RHOBTB1: variants seen among roughly 807,000 people sequenced by gnomAD.
RHOBTB1 encodes rho-related BTB domain-containing protein 1.
RHOBTB1 carries 40 observed loss-of-function variants against 71.6 expected under a neutral mutation model. That is an observed-to-expected ratio of 0.56 (90% CI 0.43 to 0.73). The LOEUF (loss-of-function observed/expected upper bound fraction) is 0.73, where lower values mean the gene tolerates loss of function less well. RHOBTB1 is among the 30% of genes least tolerant of loss of function. The pLI is 0.00. For missense variants in RHOBTB1, 797 were observed against 894.0 expected (o/e 0.89, Z 1.38); for synonymous variants, 319 against 334.9 (o/e 0.95, Z 0.52).
At chr10:60,946,793 G>GCACA (rs937969758), upstream of RHOBTB1, among the ~76,000 whole-genome samples, 2 of 152,144 alleles carry the variant, frequency 1.3e-5, no homozygotes, top group African/African-American at 4.8e-5. Context: ...CACCCCCAGG[G>GCACA]CACACCAAGG....
chr10:60,944,071 G>C lies in RHOBTB1; in HGVS notation c.-162C>G, dbSNP rs908702824. Reference sequence around the variant, plus strand: ...AGCAGCCACGGCTGCGCGCGGTCGCGGGTGTGCGGGGCCCCTGCGCGCGGC... The same window carrying C: ...AGCAGCCACGGCTGCGCGCGGTCGCCGGTGTGCGGGGCCCCTGCGCGCGGC... On this transcript the variant is annotated 5_prime_UTR_variant, in exon 1 of 11. Coordinates refer to ENST00000337910, the MANE Select transcript of RHOBTB1 (RefSeq NM_014836.5). 2 of 151,714 alleles carry C rather than the reference G, an allele frequency of 1.3e-5. No homozygotes were observed. Among genetic ancestry groups the C allele is most frequent in the African/African-American group, 4.8e-5 (2 of 41,374 alleles). 9.4% of individuals were successfully genotyped at this position (151,714 alleles called of 1,614,324 possible).
At chr10:60,862,187 T>C in the RHOBTB1 span, among the ~76,000 whole-genome samples, 2 of 150,122 alleles carry the variant, frequency 1.3e-5, no homozygotes, top group African/African-American at 5.0e-5. Flanking sequence ...TTTTCTTTTT[T>C]TTCTTTTCTT....
intron 2 of RHOBTB1, among the ~76,000 whole-genome samples, chr10:60,949,748 A>G (rs1430392904): frequency 7.0e-6 from 1 of 142,376 alleles, no homozygotes; most frequent in Non-Finnish European, 1.5e-5. Context: ...TAATGGATCT[A>G]TTCTTGGCAT....
At chr10:60,981,889 C>G (rs1041929309) in intron 2 of RHOBTB1, among the ~76,000 whole-genome samples, 5 of 152,102 alleles carry the variant, frequency 3.3e-5, no homozygotes, top group African/African-American at 1.2e-4. Flanking sequence ...CCTGCTTCAG[C>G]CTCCCAAGTA....
chr10:60,952,684 A>C (rs1176642385), intron 2 of RHOBTB1, among the ~76,000 whole-genome samples: 1 of 152,246 alleles, frequency 6.6e-6, no homozygotes, highest in Admixed American at 6.5e-5. Context: ...ATTACAATGC[A>C]TGACATCATC....
At chr10:60,866,734 T>C (rs1469955013), downstream of RHOBTB1, among the ~76,000 whole-genome samples, 3 of 151,900 alleles carry the variant, frequency 2.0e-5, no homozygotes, top group Non-Finnish European at 4.4e-5. Flanking sequence ...TTAGAAAGGG[T>C]CACCCTTTCT....
chr10:60,914,940 C>A (rs1433957023), intron 2 of RHOBTB1, among the ~76,000 whole-genome samples: 1 of 152,148 alleles, frequency 6.6e-6, no homozygotes, highest in East Asian at 1.9e-4. Context: ...AAAGGCAGGG[C>A]AGAGTTAAAT....
chr10:60,871,583 G>A lies in RHOBTB1; in HGVS notation c.1990C>T (p.Gln664Ter). 6.2e-7 allele frequency: 1 copy of A among 1,614,038 alleles called. No individual in the cohort carries two copies. Among genetic ancestry groups the A allele is most frequent in the African/African-American group, 1.3e-5 (1 of 75,006 alleles). The change falls in exon 11 of 11, where the codon CAG becomes TAG. Residue 664 changes from glutamine (Q) to a stop codon, truncating the protein, a stop_gained. Coordinates refer to ENST00000337910, the MANE Select transcript of RHOBTB1 (RefSeq NM_014836.5). LOFTEE classifies it high-confidence loss of function. Reference sequence around the variant, plus strand: ...TTCTCTCGTTCCCTTTTCACACGCTGGTAGTGATCTTCTTCCTTCAGGTAC... The same window carrying A: ...TTCTCTCGTTCCCTTTTCACACGCTAGTAGTGATCTTCTTCCTTCAGGTAC... ...VWYLKEEDHY[Q>*]RVKREREKED...
intron 1 of RHOBTB1, among the ~76,000 whole-genome samples, chr10:60,942,070 T>C (rs1213482893): frequency 6.6e-6 from 1 of 151,750 alleles, no homozygotes; most frequent in Non-Finnish European, 1.5e-5. Context: ...TTTGTGAAAA[T>C]ATATTTTTGA....
intron 2 of RHOBTB1, among the ~76,000 whole-genome samples, chr10:60,928,361 C>T (rs918477692): frequency 2.0e-5 from 3 of 151,956 alleles, no homozygotes; most frequent in Admixed American, 6.5e-5. Context: ...TATATCAAAG[C>T]GATATCTGCA....
chr10:60,955,057 T>C (rs1458159158), intron 2 of RHOBTB1, among the ~76,000 whole-genome samples: 1 of 149,274 alleles, frequency 6.7e-6, no homozygotes, highest in Non-Finnish European at 1.5e-5. Context: ...TTTTTTTTTT[T>C]TTTTTAAGAT....
chr10:60,909,788 G>T lies in RHOBTB1; in HGVS notation c.296+1099C>A, dbSNP rs143431721. 6.7e-3 allele frequency among the ~76,000 whole-genome samples: 1,013 copies of T among 152,272 alleles called. 13 individuals are homozygous for T. Among genetic ancestry groups the T allele is most frequent in the African/African-American group, 0.023 (959 of 41,562 alleles). ...TTGTTACCAAGGGGACATTAAAATC[G>T]TGTTTTGCTTCCATAACTCTCTGAG... On this transcript the variant is annotated intron_variant, in intron 4 of 10. Transcript: ENST00000337910.
chr10:60,923,537 ATCTT>A (rs1439174061), intron 2 of RHOBTB1, among the ~76,000 whole-genome samples: 3 of 152,170 alleles, frequency 2.0e-5, no homozygotes, highest in Non-Finnish European at 4.4e-5. Context: ...AGTAAAGACA[ATCTT>A]TCTTTGTCTT....
intron 4 of RHOBTB1, among the ~76,000 whole-genome samples, chr10:60,905,321 G>A (rs1370660658): frequency 3.3e-5 from 5 of 151,566 alleles, no homozygotes; most frequent in Non-Finnish European, 7.4e-5. Context: ...GTGGTGGTGG[G>A]CACCTGTAAT....
intron 3 of RHOBTB1, 76 bp downstream of exon 3, chr10:60,911,275 C>T (rs769370111): frequency 1.7e-5 from 24 of 1,387,782 alleles, no homozygotes; most frequent in Non-Finnish European, 2.4e-5. Context: ...ATCCACGCTC[C>T]TCCTTTAGAA....
chr10:60,915,329 A>G (rs1275112429), intron 2 of RHOBTB1, among the ~76,000 whole-genome samples: 2 of 152,178 alleles, frequency 1.3e-5, no homozygotes, highest in South Asian at 4.1e-4. Context: ...AATGAGAGTA[A>G]TAAGTATTAT....
chr10:60,880,164 T>A (rs375713187), intron 7 of RHOBTB1, among the ~76,000 whole-genome samples: 1 of 142,260 alleles, frequency 7.0e-6, no homozygotes, highest in East Asian at 2.1e-4. Flanking sequence ...CCCTCACAGA[T>A]ACTGAGGGAT....
intron 2 of RHOBTB1, among the ~76,000 whole-genome samples, chr10:60,957,748 A>G (rs1210958363): frequency 6.6e-6 from 1 of 152,202 alleles, no homozygotes; most frequent in Non-Finnish European, 1.5e-5. Context: ...AACTTGTCCA[A>G]TGGTAATGAT....
Position 60,888,198 on chromosome 10 carries a change from C to A in RHOBTB1, c.1456+14G>T. On this transcript the variant is annotated intron_variant, in intron 6 of 10. Coordinates refer to ENST00000337910, the MANE Select transcript of RHOBTB1 (RefSeq NM_014836.5). The stretch of plus-strand genomic sequence containing the variant: ...ATCAAAGGTATTAATGGCTCTGCCC[C>A]GCGGCCCACTCACCCGAGAACGTTC... 1 of 1,607,634 alleles carries A rather than the reference C, an allele frequency of 6.2e-7. No individual in the cohort carries two copies. The highest frequency in any genetic ancestry group is 8.5e-7 in the Non-Finnish European group (1 of 1,176,514).
Sources: gnomAD v4.1 joint callset for allele counts (sites outside exome capture counted in the v4.1 genomes callset) on GRCh38, gnomAD v4.1.1 for gene constraint, MANE v1.5 for transcripts, NCBI Gene and HGNC (gene_info 2026-07-23, HGNC 2026-07-21) for gene names.